Variants in PDE7B observed in about 807,000 individuals in gnomAD.
The protein encoded by PDE7B is 3',5'-cyclic-AMP phosphodiesterase 7B.
A neutral mutation model predicts 56.2 loss-of-function variants in PDE7B; 29 were observed. The observed-to-expected ratio is 0.52, with a 90% CI of 0.38 to 0.70. The LOEUF (loss-of-function observed/expected upper bound fraction) is 0.70. Ranked by LOEUF, PDE7B falls within the 30% of genes least tolerant of loss-of-function variation. The pLI is 0.00. For synonymous variants in PDE7B, 197 were observed against 196.9 expected, an observed-to-expected ratio of 1.00 and a Z score of 0.00; for missense variants, 490 against 565.0, an observed-to-expected ratio of 0.87 and a Z score of 1.35.
chr6:135,897,263 G>GGTGTGTGTGTGTGTGTGTGTGTGT (rs3037814), intron 1 of PDE7B, among the ~76,000 whole-genome samples: 1 of 149,920 alleles, frequency 6.7e-6, no homozygotes, highest in African/African-American at 2.4e-5. Context: ...ATTGTGTCAG[G>GGTGTGTGTGTGTGTGTGTGTGTGT]GTGTGTGTGT....
At chr6:136,177,796 T>G (rs1779003839) in intron 9 of PDE7B, among the ~76,000 whole-genome samples, 1 of 152,180 alleles carries the variant, frequency 6.6e-6, no homozygotes, top group South Asian at 2.1e-4. Flanking sequence ...CTTCTGCACA[T>G]GCGTAACTAG....
At chr6:136,121,817 A>T (rs982523698) in intron 3 of PDE7B, among the ~76,000 whole-genome samples, 4 of 152,162 alleles carry the variant, frequency 2.6e-5, no homozygotes, top group African/African-American at 4.8e-5. Flanking sequence ...GGTATGGGAA[A>T]ATGCTGAATA....
chr6:136,119,326 T>C (rs979486372), intron 3 of PDE7B, among the ~76,000 whole-genome samples: 20 of 152,380 alleles, frequency 1.3e-4, no homozygotes, highest in Admixed American at 4.6e-4. Context: ...ATTGTTCTTC[T>C]GGTTTTCTAT....
At chr6:136,004,520 T>C (rs963434213) in intron 2 of PDE7B, among the ~76,000 whole-genome samples, 4 of 152,008 alleles carry the variant, frequency 2.6e-5, no homozygotes, top group African/African-American at 7.3e-5. Flanking sequence ...GGATACAAAA[T>C]CAATGTACAA....
At chr6:136,138,158 T>G (rs772112536) in intron 3 of PDE7B, among the ~76,000 whole-genome samples, 3 of 152,106 alleles carry the variant, frequency 2.0e-5, no homozygotes, top group Non-Finnish European at 2.9e-5. Context: ...ATTCCCCAGA[T>G]TTTTACAAGA....
Position 135,931,264 on chromosome 6 carries a change from A to G in PDE7B, c.22-16200A>G, listed in dbSNP as rs1774287387. Reference sequence around the variant, plus strand: ...ATCCATTCCATAATTTTACTCCTTTATTCCTCAATTTCACCTAAGTGATCT... The same window carrying G: ...ATCCATTCCATAATTTTACTCCTTTGTTCCTCAATTTCACCTAAGTGATCT... On this transcript the variant is annotated intron_variant, in intron 1 of 12. Transcript: ENST00000308191. Among the ~76,000 whole-genome samples, 4 of 152,280 alleles carry G rather than the reference A, an allele frequency of 2.6e-5. No homozygotes were observed. The Middle Eastern group carries it at 0.01, about 388-fold the overall frequency.
At position 135,934,957 on chromosome 6, in the gene PDE7B, TA is replaced by T. The variant is rs1415672458; in HGVS notation, c.22-12505del. On this transcript the variant is annotated intron_variant, in intron 1 of 12. Transcript: ENST00000308191. ...TAAATATATAATATATATTTATATA[TA>T]ATATATATATTTCTCTATATATTTT... 1.2e-4 allele frequency among the ~76,000 whole-genome samples: 6 copies of T among 50,390 alleles called. No homozygotes were observed. The Admixed American group carries it at 1.3e-3, about 11-fold the overall frequency. 33.1% of individuals were successfully genotyped at this position (50,390 alleles called of 152,430 possible). A position where few individuals can be genotyped will look rare whatever the true frequency, so the allele number is the denominator to read the frequency against.
rs982174278 is a variant in PDE7B at position 135,932,978 on chromosome 6, C to T, written c.22-14486C>T. Among the ~76,000 whole-genome samples, 18 of 152,180 alleles carry T rather than the reference C, an allele frequency of 1.2e-4. No homozygotes were observed. The South Asian group carries it at 2.7e-3, about 23-fold the overall frequency. On this transcript the variant is annotated intron_variant, in intron 1 of 12. Transcript: ENST00000308191. ...TCATAGATGGCATGGAGTATGCACT[C>T]CCTGTGTTCTGGGCGCTGTGCTGAA... is the stretch of plus-strand genomic sequence containing the variant.
At chr6:136,024,691 C>A (rs1295076456) in intron 2 of PDE7B, among the ~76,000 whole-genome samples, 1 of 152,176 alleles carries the variant, frequency 6.6e-6, no homozygotes, top group Non-Finnish European at 1.5e-5. Context: ...GCATTTCATC[C>A]TCTCAGTTGT....
intron 3 of PDE7B, among the ~76,000 whole-genome samples, chr6:136,136,758 G>GAA (rs113988168): frequency 7.9e-6 from 1 of 127,146 alleles, no homozygotes; most frequent in Non-Finnish European, 1.7e-5. Flanking sequence ...AATAAATAAT[G>GAA]AAAAAAAAAA....
At chr6:136,170,736 C>T (rs994403667) in intron 8 of PDE7B, among the ~76,000 whole-genome samples, 5 of 152,244 alleles carry the variant, frequency 3.3e-5, no homozygotes, top group Admixed American at 1.3e-4. Context: ...AAACTCTGTA[C>T]GGAGTCCTGA....
chr6:135,969,510 C>T (rs1451805453), intron 2 of PDE7B, among the ~76,000 whole-genome samples: 1 of 152,004 alleles, frequency 6.6e-6, no homozygotes, highest in Non-Finnish European at 1.5e-5. Flanking sequence ...GAGAAAAAAA[C>T]AAGCAAAGGG....
intron 2 of PDE7B, among the ~76,000 whole-genome samples, chr6:136,079,640 C>CCTATAGAA (rs1265068140): frequency 6.7e-6 from 1 of 150,134 alleles, no homozygotes; most frequent in Non-Finnish European, 1.5e-5. Flanking sequence ...TTATCTTTGA[C>CCTATAGAA]TGTGGCCAAC....
chr6:136,097,581 A>C lies in PDE7B; in HGVS notation c.83-11150A>C, dbSNP rs1583879178. On this transcript the variant is annotated intron_variant, in intron 2 of 12. Coordinates refer to ENST00000308191, the MANE Select transcript of PDE7B (RefSeq NM_018945.4). ...CCTTCCATTCCTTTCTCCATACTGCACCCAAAGTTGTTTTTAATACACAAA... is the reference window on the plus strand; with the variant it reads ...CCTTCCATTCCTTTCTCCATACTGCCCCCAAAGTTGTTTTTAATACACAAA... 2.0e-5 allele frequency among the ~76,000 whole-genome samples: 3 copies of C among 152,066 alleles called. No homozygotes were observed. In the East Asian group the frequency reaches 5.8e-4, roughly 29 times the overall value.
At chr6:135,908,260 G>A (rs1396689894) in intron 1 of PDE7B, among the ~76,000 whole-genome samples, 1 of 134,274 alleles carries the variant, frequency 7.4e-6, no homozygotes. Flanking sequence ...GACTAATTTT[G>A]TATTTTTTTT....
At chr6:136,173,664 T>TC (rs1778930021) in intron 8 of PDE7B, 133 bp from the exon 9 acceptor site, 3 of 635,026 alleles carry the variant, frequency 4.7e-6, no homozygotes, top group Non-Finnish European at 8.3e-6. Context: ...TGGGTTTTTT[T>TC]TTCCTGGTCT....
At chr6:136,000,841 A>G (rs6933920) in intron 2 of PDE7B, among the ~76,000 whole-genome samples, 7,180 of 152,216 alleles carry the variant, frequency 0.047, 550 homozygotes, top group African/African-American at 0.16. Flanking sequence ...CTTTAAAGAG[A>G]GCAGTGGTTG....
At chr6:136,117,517 CT>C (rs1256816136) in intron 3 of PDE7B, among the ~76,000 whole-genome samples, 2 of 152,156 alleles carry the variant, frequency 1.3e-5, no homozygotes, top group African/African-American at 2.4e-5. Flanking sequence ...TCAAAAAGAC[CT>C]TTTTTTCTTT....
intron 3 of PDE7B, among the ~76,000 whole-genome samples, chr6:136,120,497 G>A (rs950402098): frequency 6.6e-6 from 1 of 152,154 alleles, no homozygotes. Context: ...TGAGAAGATG[G>A]GAGGGGATGA....
Sources: gnomAD v4.1 joint callset for allele counts (sites outside exome capture counted in the v4.1 genomes callset) on GRCh38, gnomAD v4.1.1 for gene constraint, MANE v1.5 for transcripts, NCBI Gene and HGNC (gene_info 2026-07-23, HGNC 2026-07-21) for gene names.